FUT2: variants seen among roughly 807,000 people sequenced by gnomAD.
The protein encoded by FUT2 is galactoside alpha-(1,2)-fucosyltransferase 2.
For synonymous variants in FUT2, 182 were observed against 193.1 expected (o/e 0.94, Z 0.48); for missense variants, 419 against 465.8 (o/e 0.90, Z 0.93).
chr19:48,702,644 TAC>T (rs898124039), intron 1 of FUT2, among the ~76,000 whole-genome samples: 7 of 152,046 alleles, frequency 4.6e-5, no homozygotes, highest in Non-Finnish European at 8.8e-5. Flanking sequence ...GCTGTATATG[TAC>T]ACACACAATT....
Position 48,703,637 on chromosome 19 carries a change from G to A in FUT2, c.681G>A (p.Leu227=), listed in dbSNP as rs746362045. The change falls in exon 2 of 2, where the codon CTG becomes CTA. Residue 227 remains leucine, a synonymous_variant. Transcript: ENST00000425340. Reference sequence around the variant, plus strand: ...ACCGGCGATACCTACAGCAGGCCCTGGACTGGTTCCGAGCTCGCTACAGCT... The same window carrying A: ...ACCGGCGATACCTACAGCAGGCCCTAGACTGGTTCCGAGCTCGCTACAGCT... ...VADRRYLQQA[L]DWFRARYSSL... 2 of 1,613,498 alleles carry A rather than the reference G, an allele frequency of 1.2e-6. No individual in the cohort carries two copies. Among genetic ancestry groups the A allele is most frequent in the African/African-American group, 1.3e-5 (1 of 74,936 alleles).
intron 1 of FUT2, among the ~76,000 whole-genome samples, chr19:48,701,922 G>A (rs2032524421): frequency 6.6e-6 from 1 of 151,996 alleles, no homozygotes. Context: ...GAACCTGGGA[G>A]GCAGAGGTTG....
At chr19:48,696,723 C>T (rs1212146519) in intron 1 of FUT2, 1 of 152,334 alleles carries the variant, frequency 6.6e-6, no homozygotes, top group Admixed American at 6.5e-5. Context: ...ATCCGGGAAT[C>T]CCGGGGAGGT....
At position 48,704,082 on chromosome 19, in the gene FUT2, C is replaced by A; in HGVS notation, c.*94C>A. ...AGCACATGGTTCCATGAGCAGGACC[C>A]ATCTCTCTTCTGTGAAGATGCGTTG... On this transcript the variant is annotated 3_prime_UTR_variant, in exon 2 of 2. Coordinates refer to ENST00000425340, the MANE Select transcript of FUT2 (RefSeq NM_000511.6). 8.5e-7 allele frequency: 1 copy of A among 1,171,652 alleles called. No homozygotes were observed. The highest frequency in any genetic ancestry group is 2.3e-5 in the East Asian group (1 of 43,062). The allele number at this position is 1,171,652 out of a possible 1,614,324, so 72.6% of individuals were successfully genotyped here.
chr19:48,703,385 G>A lies in FUT2; in HGVS notation c.429G>A (p.Glu143=), dbSNP rs779900616. Residue 143 remains glutamate (E), a synonymous_variant, in exon 2 of 2, where the codon GAG becomes GAA. Coordinates refer to ENST00000425340, the MANE Select transcript of FUT2 (RefSeq NM_000511.6). ...AGGAATACCGCCACATCCCGGGGGAGTACGTCCGCTTCACCGGCTACCCCT... is the reference window on the plus strand; with the variant it reads ...AGGAATACCGCCACATCCCGGGGGAATACGTCCGCTTCACCGGCTACCCCT... ...MEEEYRHIPG[E]YVRFTGYPCS... is the part of the protein sequence containing the mutation. 39 of 1,613,038 alleles carry A rather than the reference G, an allele frequency of 2.4e-5. No individual in the cohort carries two copies. Among genetic ancestry groups the A allele is most frequent in the Non-Finnish European group, 3.1e-5 (36 of 1,179,992 alleles).
At chr19:48,700,531 C>G (rs997207507) in intron 1 of FUT2, among the ~76,000 whole-genome samples, 2 of 151,820 alleles carry the variant, frequency 1.3e-5, no homozygotes, top group Non-Finnish European at 2.9e-5. Flanking sequence ...CGGGGTTTCA[C>G]CGTGTTAGCC....
chr19:48,700,170 AAAAAG>A (rs1414421578), intron 1 of FUT2, among the ~76,000 whole-genome samples: 5 of 150,476 alleles, frequency 3.3e-5, no homozygotes, highest in African/African-American at 9.7e-5. Context: ...AAAAAAAAAA[AAAAAG>A]AAAAGGAAAA....
chr19:48,696,647 T>C (rs1266494896), intron 1 of FUT2: 4 of 152,192 alleles, frequency 2.6e-5, no homozygotes, highest in African/African-American at 9.7e-5. Context: ...GGTTTCCAAG[T>C]GATGGCCCTA....
chr19:48,700,357 C>T (rs780808041), intron 1 of FUT2, among the ~76,000 whole-genome samples: 18 of 150,392 alleles, frequency 1.2e-4, no homozygotes, highest in African/African-American at 3.7e-4. Context: ...GACGGAGTCT[C>T]GCTCTGTCTC....
In FUT2 at chr19:48,702,965, C is replaced by A. The variant is rs749467990; in HGVS notation, c.9C>A (p.Val3=). The change falls in exon 2 of 2, where the codon GTC becomes GTA. Residue 3 remains valine, a synonymous_variant. Transcript: ENST00000425340. ...TTCCTCCCCTGACAGCCATGCTGGTCGTTCAGATGCCTTTCTCCTTTCCCA... is the reference window on the plus strand; with the variant it reads ...TTCCTCCCCTGACAGCCATGCTGGTAGTTCAGATGCCTTTCTCCTTTCCCA... ML[V]VQMPFSFPMA... is the part of the protein sequence containing the mutation. 1.2e-6 allele frequency: 2 copies of A among 1,613,104 alleles called. No homozygotes were observed. Among genetic ancestry groups the A allele is most frequent in the South Asian group, 1.1e-5 (1 of 90,562 alleles).
chr19:48,705,101 T>TTTTTA lies in FUT2; in HGVS notation c.*1117_*1118insATTTT. ...CCAGAGAGCTCACTGTTTTCTTTTC[T>TTTTTA]TTTTCTTTTCTTTTTTTTTTTTTTT... On this transcript the variant is annotated 3_prime_UTR_variant, in exon 2 of 2. Transcript: ENST00000425340. 3.6e-5 allele frequency: 9 copies of TTTTTA among 249,458 alleles called. No homozygotes were observed. The highest frequency in any genetic ancestry group is 6.4e-5 in the Non-Finnish European group (8 of 125,308). 15.5% of individuals were successfully genotyped at this position (249,458 alleles called of 1,614,324 possible). A position where few individuals can be genotyped will look rare whatever the true frequency, so the allele number is the denominator to read the frequency against.
In FUT2 at chr19:48,705,100, C is replaced by CTTTT. The variant is rs1568463036; in HGVS notation, c.*1114_*1117dup. ...CCCAGAGAGCTCACTGTTTTCTTTTCTTTTTCTTTTCTTTTTTTTTTTTTT... is the reference window on the plus strand; with the variant it reads ...CCCAGAGAGCTCACTGTTTTCTTTTCTTTTTTTTTCTTTTCTTTTTTTTTTTTTT... On this transcript the variant is annotated 3_prime_UTR_variant, in exon 2 of 2. Transcript: ENST00000425340. 2.9e-5 allele frequency: 5 copies of CTTTT among 174,992 alleles called. No homozygotes were observed. Among genetic ancestry groups the CTTTT allele is most frequent in the African/African-American group, 2.3e-4 (5 of 21,794 alleles). 10.8% of individuals were successfully genotyped at this position (174,992 alleles called of 1,614,324 possible). A position where few individuals can be genotyped will look rare whatever the true frequency, so the allele number is the denominator to read the frequency against.
At position 48,705,451 on chromosome 19, in the gene FUT2, C is replaced by T. The variant is rs909168641; in HGVS notation, c.*1463C>T. 6.0e-6 allele frequency: 1 copy of T among 166,948 alleles called. No individual in the cohort carries two copies. The highest frequency in any genetic ancestry group is 1.9e-4 in the East Asian group (1 of 5,200). The allele number at this position is 166,948 out of a possible 1,614,324, so 10.3% of individuals were successfully genotyped here. A position where few individuals can be genotyped will look rare whatever the true frequency, so the allele number is the denominator to read the frequency against. ...CTAGTTAGTCCATCTGGAAGTGGAG[C>T]CTTTTTCCAGTTTGCACAAATGTGC... On this transcript the variant is annotated 3_prime_UTR_variant, in exon 2 of 2. Transcript: ENST00000425340.
rs1435042658 is a variant in FUT2, at chr19:48,700,810, T to C, written c.-2-2145T>C. Among the ~76,000 whole-genome samples the C allele has an allele frequency of 3.3e-5, 5 of 152,104 alleles. No homozygotes were observed. In the East Asian group the frequency reaches 7.8e-4, roughly 24 times the overall value. On this transcript the variant is annotated intron_variant, in intron 1 of 1. Transcript: ENST00000425340. ...CCAGCAACTCCCCCCACAACTCCGA[T>C]GGGTAGGAATTGTCACATAACCATG...
At chr19:48,702,448 T>A (rs1249409840) in intron 1 of FUT2, among the ~76,000 whole-genome samples, 1 of 151,940 alleles carries the variant, frequency 6.6e-6, no homozygotes, top group Non-Finnish European at 1.5e-5. Flanking sequence ...ATGCATACAA[T>A]GTATAGATAC....
chr19:48,704,256 G>A lies in FUT2; in HGVS notation c.*268G>A, dbSNP rs535588117. On this transcript the variant is annotated 3_prime_UTR_variant, in exon 2 of 2. Coordinates refer to ENST00000425340, the MANE Select transcript of FUT2 (RefSeq NM_000511.6). ...GGCCAACATGGTGAAACCCCATCTCGACTAAAAATACAAAAATTAGCCAGG... is the reference window on the plus strand; with the variant it reads ...GGCCAACATGGTGAAACCCCATCTCAACTAAAAATACAAAAATTAGCCAGG... The A allele has an allele frequency of 2.1e-5, 10 of 481,966 alleles. No individual in the cohort carries two copies. Among genetic ancestry groups the A allele is most frequent in the East Asian group, 8.3e-5 (2 of 24,062 alleles). The allele number at this position is 481,966 out of a possible 1,614,324, so 29.9% of individuals were successfully genotyped here.
chr19:48,697,530 C>CA (rs931176697), intron 1 of FUT2, among the ~76,000 whole-genome samples: 14 of 151,484 alleles, frequency 9.2e-5, no homozygotes, highest in East Asian at 3.9e-4. Flanking sequence ...AAAAGCAATT[C>CA]AAAAAAAATA....
At chr19:48,697,172 C>G (rs1486711299) in intron 1 of FUT2, among the ~76,000 whole-genome samples, 1 of 151,062 alleles carries the variant, frequency 6.6e-6, no homozygotes, top group Non-Finnish European at 1.5e-5. Flanking sequence ...ATGGAGAAAC[C>G]CCGTCTCTAC....
Position 48,703,764 on chromosome 19 carries a change from T to G in FUT2, c.808T>G (p.Ser270Ala). 1 of 1,613,500 alleles carries G rather than the reference T, an allele frequency of 6.2e-7. No homozygotes were observed. The change falls in exon 2 of 2, where the codon TCA becomes GCA. Residue 270 changes from serine to alanine, a missense_variant. By Grantham distance (99) the Ser-to-Ala change is moderately conservative. Coordinates refer to ENST00000425340, the MANE Select transcript of FUT2 (RefSeq NM_000511.6). ...VVFAGDGIEG[S>A]PAKDFALLTQ... ...GTTTGCTGGCGATGGCATTGAGGGC[T>G]CACCTGCCAAAGATTTTGCTCTACT...
Sources: gnomAD v4.1 joint callset for allele counts (sites outside exome capture counted in the v4.1 genomes callset) on GRCh38, gnomAD v4.1.1 for gene constraint, MANE v1.5 for transcripts, NCBI Gene and HGNC (gene_info 2026-07-23, HGNC 2026-07-21) for gene names.